Variants in CCDC178 observed in about 807,000 individuals in gnomAD.
CCDC178 encodes coiled-coil domain-containing protein 178.
In CCDC178, 126 loss-of-function variants were observed where a neutral mutation model predicts 117.4. The observed-to-expected ratio is 1.07, with a 90% CI of 0.93 to 1.24. The LOEUF (loss-of-function observed/expected upper bound fraction) is 1.24, where lower values mean the gene tolerates loss of function less well. CCDC178 is among the 50% of genes most tolerant of loss of function. The pLI, the probability that CCDC178 is intolerant of heterozygous loss-of-function variation, is 0.00. For missense variants in CCDC178, 1,030 were observed against 986.9 expected, an observed-to-expected ratio of 1.04 and a Z score of -0.59; for synonymous variants, 283 against 313.4, an observed-to-expected ratio of 0.90 and a Z score of 1.02.
intron 21 of CCDC178, among the ~76,000 whole-genome samples, chr18:33,078,360 G>C (rs1478573646): frequency 6.6e-6 from 1 of 152,132 alleles, no homozygotes; most frequent in Non-Finnish European, 1.5e-5. Flanking sequence ...CATTCCCATT[G>C]AAAACCAGCA....
rs542584070 is a variant in CCDC178 at position 33,237,831 on chromosome 18, G to C, written c.1593+7414C>G. ...GGGTTGCCCTGAAGACACACCTGAA[G>C]GCAGTTGAGCAACTGCATGCCCATA... On this transcript the variant is annotated intron_variant, in intron 15 of 22. Coordinates refer to ENST00000383096, the MANE Select transcript of CCDC178 (RefSeq NM_001105528.4). Among the ~76,000 whole-genome samples the C allele has an allele frequency of 4.6e-5, 7 of 151,550 alleles. 1 individual carries two copies. The South Asian group carries it at 8.4e-4, about 18-fold the overall frequency.
At chr18:33,152,159 A>G (rs747050971) in intron 20 of CCDC178, among the ~76,000 whole-genome samples, 8 of 152,132 alleles carry the variant, frequency 5.3e-5, no homozygotes, top group Non-Finnish European at 8.8e-5. Flanking sequence ...TACAATGATT[A>G]GTAACTGGAT....
At chr18:33,380,618 C>G (rs996867605) in intron 5 of CCDC178, among the ~76,000 whole-genome samples, 1 of 152,188 alleles carries the variant, frequency 6.6e-6, no homozygotes, top group African/African-American at 2.4e-5. Context: ...TTCTGACTCT[C>G]CTGTGTACTG....
chr18:33,233,682 C>G (rs796500601), intron 15 of CCDC178, among the ~76,000 whole-genome samples: 3 of 151,952 alleles, frequency 2.0e-5, no homozygotes, highest in African/African-American at 7.2e-5. Context: ...ATTTGTCAGG[C>G]TCCAGGTTGA....
chr18:33,392,317 G>C (rs1200907166), intron 4 of CCDC178, among the ~76,000 whole-genome samples: 1 of 152,096 alleles, frequency 6.6e-6, no homozygotes, highest in African/African-American at 2.4e-5. Context: ...CTTCAGTCCC[G>C]GTCCCTAATC....
chr18:33,146,624 C>G (rs1181097353), intron 20 of CCDC178, among the ~76,000 whole-genome samples: 3 of 152,158 alleles, frequency 2.0e-5, no homozygotes, highest in Non-Finnish European at 4.4e-5. Context: ...GCACTCCAGC[C>G]TGGGTGACAG....
chr18:33,185,231 C>T (rs2058776612), intron 20 of CCDC178, among the ~76,000 whole-genome samples: 1 of 151,866 alleles, frequency 6.6e-6, no homozygotes, highest in Non-Finnish European at 1.5e-5. Flanking sequence ...CTGGAAAGTA[C>T]AGAGGGAAAC....
chr18:33,007,329 A>T (rs939974658), intron 21 of CCDC178, among the ~76,000 whole-genome samples: 1 of 152,124 alleles, frequency 6.6e-6, no homozygotes, highest in African/African-American at 2.4e-5. Context: ...ATATACTATA[A>T]ACAATATATG....
rs536517302 is a variant in CCDC178, at chr18:33,122,263, T to A, written c.2239-29353A>T. On this transcript the variant is annotated intron_variant, in intron 20 of 22. Coordinates refer to ENST00000383096, the MANE Select transcript of CCDC178 (RefSeq NM_001105528.4). ...GGGGATGACTGAAATGGAAGTTGAC[T>A]TGAATTTAGAGGAGGTTTGTAGCAT... Among the ~76,000 whole-genome samples, 5 of 152,230 alleles carry A rather than the reference T, an allele frequency of 3.3e-5. No individual in the cohort carries two copies. The South Asian group carries it at 1.0e-3, about 32-fold the overall frequency.
intron 2 of CCDC178, among the ~76,000 whole-genome samples, chr18:33,415,817 T>C (rs944740817): frequency 6.6e-6 from 1 of 151,750 alleles, no homozygotes; most frequent in Non-Finnish European, 1.5e-5. Context: ...GTAAGTACAA[T>C]AAAAAAAACT....
At chr18:33,089,464 A>G (rs948063173) in intron 21 of CCDC178, among the ~76,000 whole-genome samples, 10 of 152,134 alleles carry the variant, frequency 6.6e-5, no homozygotes, top group Non-Finnish European at 1.5e-4. Flanking sequence ...ACATTTGCAA[A>G]CAATATAGCA....
At chr18:33,417,727 T>A (rs921045343) in intron 2 of CCDC178, among the ~76,000 whole-genome samples, 28 of 152,174 alleles carry the variant, frequency 1.8e-4, no homozygotes, top group Non-Finnish European at 8.8e-5. Context: ...TTCCTGTGTA[T>A]TTCTAAGCAA....
intron 20 of CCDC178, 29 bp downstream of exon 20, chr18:33,211,867 A>G: frequency 6.3e-7 from 1 of 1,580,012 alleles, no homozygotes; most frequent in Non-Finnish European, 8.6e-7. Context: ...TATTCCTTTC[A>G]TTTTGAAACA....
intron 2 of CCDC178, among the ~76,000 whole-genome samples, chr18:33,433,193 AT>A (rs1326905263): frequency 6.6e-6 from 1 of 152,112 alleles, no homozygotes; most frequent in Non-Finnish European, 1.5e-5. Flanking sequence ...CCTAGGGCTG[AT>A]TTTTCTGCTT....
chr18:33,419,914 C>CT (rs57482932), intron 2 of CCDC178, among the ~76,000 whole-genome samples: 57 of 146,442 alleles, frequency 3.9e-4, no homozygotes, highest in Admixed American at 7.5e-4. Flanking sequence ...TTCTTTCCTT[C>CT]TTTTTTTTTT....
At chr18:33,321,888 G>A (rs2062515263) in intron 11 of CCDC178, among the ~76,000 whole-genome samples, 1 of 151,550 alleles carries the variant, frequency 6.6e-6, no homozygotes, top group South Asian at 2.1e-4. Context: ...GTGTCTACAT[G>A]GTGTTTACAA....
chr18:33,218,666 C>A (rs749746096), intron 18 of CCDC178, among the ~76,000 whole-genome samples: 53 of 152,068 alleles, frequency 3.5e-4, no homozygotes, highest in Middle Eastern at 3.4e-3. Context: ...AGCTTTCTAC[C>A]TATGGCTAGC....
chr18:33,148,882 T>C (rs889943197), intron 20 of CCDC178, among the ~76,000 whole-genome samples: 5 of 152,202 alleles, frequency 3.3e-5, no homozygotes, highest in African/African-American at 9.6e-5. Flanking sequence ...CAGTGACAAT[T>C]GTTTGTCAGT....
At chr18:33,413,815 T>C (rs1291013229) in intron 2 of CCDC178, among the ~76,000 whole-genome samples, 1 of 152,130 alleles carries the variant, frequency 6.6e-6, no homozygotes, top group Non-Finnish European at 1.5e-5. Flanking sequence ...GTAGGTGCCC[T>C]GAGAAATTAA....
Sources: gnomAD v4.1 joint callset for allele counts (sites outside exome capture counted in the v4.1 genomes callset) on GRCh38, gnomAD v4.1.1 for gene constraint, MANE v1.5 for transcripts, NCBI Gene and HGNC (gene_info 2026-07-23, HGNC 2026-07-21) for gene names.